ATP8A2: variants seen among roughly 807,000 people sequenced by gnomAD.
ATP8A2 encodes the protein phospholipid-transporting ATPase IB.
In ATP8A2, 100 loss-of-function variants were observed where a neutral mutation model predicts 165.6. That is an observed-to-expected ratio of 0.60 (90% confidence interval 0.51 to 0.71). ATP8A2 has a LOEUF of 0.71. Ranked by LOEUF, ATP8A2 falls within the 30% of genes least tolerant of loss-of-function variation. The probability of loss-of-function intolerance (pLI) is 0.00; values close to 1 mark genes in which losing one functional copy is unlikely to be tolerated. For synonymous variants in ATP8A2, 543 were observed against 548.8 expected (o/e 0.99, Z 0.15); for missense variants, 1,227 against 1,479.5 (o/e 0.83, Z 2.80).
Position 25,553,887 on chromosome 13 carries a change from T to A in ATP8A2, c.1152T>A (p.Val384=), listed in dbSNP as rs990784495. The change falls in exon 12 of 37, where the codon GTT becomes GTA. Residue 384 remains valine, a synonymous_variant. Coordinates refer to ENST00000381655, the MANE Select transcript of ATP8A2 (RefSeq NM_016529.6). ...IPISLLVTLE[V]VKYTQALFIN... ...TCAGTCTGTTGGTGACTCTTGAGGTTGTGAAGTATACTCAAGCCCTTTTCA... is the reference window on the plus strand; with the variant it reads ...TCAGTCTGTTGGTGACTCTTGAGGTAGTGAAGTATACTCAAGCCCTTTTCA... 6.2e-7 allele frequency: 1 copy of A among 1,613,878 alleles called. No individual in the cohort carries two copies. The highest frequency in any genetic ancestry group is 1.3e-5 in the African/African-American group (1 of 75,052).
At chr13:25,554,283 T>C (rs2038910626) in intron 12 of ATP8A2, among the ~76,000 whole-genome samples, 1 of 152,184 alleles carries the variant, frequency 6.6e-6, no homozygotes, top group South Asian at 2.1e-4. Context: ...AAATTCATTG[T>C]GATAGTCAAC....
intron 35 of ATP8A2, among the ~76,000 whole-genome samples, chr13:25,984,221 A>G (rs536037906): frequency 6.6e-6 from 1 of 150,614 alleles, no homozygotes; most frequent in South Asian, 2.1e-4. Flanking sequence ...TGGGTGACAG[A>G]GCAAGAAACC....
intron 25 of ATP8A2, among the ~76,000 whole-genome samples, chr13:25,736,585 G>T (rs1450842478): frequency 6.6e-6 from 1 of 152,136 alleles, no homozygotes; most frequent in African/African-American, 2.4e-5. Flanking sequence ...TTCTGTAAAG[G>T]ATCATTTCAT....
chr13:25,910,745 A>G (rs758058707), intron 33 of ATP8A2, among the ~76,000 whole-genome samples: 2 of 152,156 alleles, frequency 1.3e-5, no homozygotes, highest in Non-Finnish European at 2.9e-5. Flanking sequence ...TTTGCGCAAT[A>G]TCCATGTATT....
chr13:25,846,259 T>C (rs967861286), intron 30 of ATP8A2, among the ~76,000 whole-genome samples: 4 of 152,168 alleles, frequency 2.6e-5, no homozygotes, highest in Admixed American at 1.3e-4. Flanking sequence ...AGTGCGTTAA[T>C]AGAGGAGTTC....
At chr13:25,798,967 A>G (rs1167892425) in intron 27 of ATP8A2, among the ~76,000 whole-genome samples, 1 of 152,110 alleles carries the variant, frequency 6.6e-6, no homozygotes, top group Non-Finnish European at 1.5e-5. Context: ...CAGCCTGGGC[A>G]ACATAGTGAG....
At chr13:25,691,711 T>A (rs543075789) in intron 24 of ATP8A2, among the ~76,000 whole-genome samples, 1 of 152,342 alleles carries the variant, frequency 6.6e-6, no homozygotes, top group Admixed American at 6.5e-5. Context: ...GAAATTTCTC[T>A]TATCTACTTA....
intron 33 of ATP8A2, among the ~76,000 whole-genome samples, chr13:25,940,718 T>A (rs1955046656): frequency 6.6e-6 from 1 of 152,198 alleles, no homozygotes; most frequent in Admixed American, 6.5e-5. Context: ...TGCATCTCCA[T>A]GGGTTCACCC....
chr13:26,012,446 C>T lies in ATP8A2; in HGVS notation c.3378-85C>T, dbSNP rs998259851. On this transcript the variant is annotated intron_variant, in intron 35 of 36. Transcript: ENST00000381655. ...CCCGACGTGGGGAGGTGATCCCCCA[C>T]CTCATCCCACCCCCTTCTGTCTGTC... 9.0e-6 allele frequency: 10 copies of T among 1,115,858 alleles called. No individual in the cohort carries two copies. The African/African-American group carries it at 1.6e-4, about 18-fold the overall frequency. 69.1% of individuals were successfully genotyped at this position (1,115,858 alleles called of 1,614,324 possible).
chr13:25,863,677 C>A (rs1952420409), intron 33 of ATP8A2: 1 of 152,224 alleles, frequency 6.6e-6, no homozygotes, highest in African/African-American at 2.4e-5. Context: ...TGTCTAGCAA[C>A]TGTTTCTCGT....
Position 25,414,999 on chromosome 13 carries a change from G to A in ATP8A2, c.76+42711G>A, listed in dbSNP as rs565387725. Among the ~76,000 whole-genome samples, 3 of 152,330 alleles carry A rather than the reference G, an allele frequency of 2.0e-5. No homozygotes were observed. The South Asian group carries it at 6.2e-4, about 32-fold the overall frequency. ...CCCATTTGCCAGAGAAGAAGCAAAA[G>A]AGCATGATGCTTTTGCTCAGGGAGA... On this transcript the variant is annotated intron_variant, in intron 1 of 36. Coordinates refer to ENST00000381655, the MANE Select transcript of ATP8A2 (RefSeq NM_016529.6).
chr13:25,542,625 A>T (rs2038517790), intron 9 of ATP8A2, among the ~76,000 whole-genome samples: 1 of 151,604 alleles, frequency 6.6e-6, no homozygotes, highest in Non-Finnish European at 1.5e-5. Context: ...GCCCCCTCCA[A>T]CCCTGTAACC....
intron 25 of ATP8A2, among the ~76,000 whole-genome samples, chr13:25,741,871 C>A (rs1476120675): frequency 6.6e-6 from 1 of 152,186 alleles, no homozygotes; most frequent in African/African-American, 2.4e-5. Context: ...ATACCTGAGC[C>A]TGAGTCTATA....
intron 36 of ATP8A2, among the ~76,000 whole-genome samples, chr13:26,016,767 G>A (rs1197922397): frequency 1.3e-5 from 2 of 152,178 alleles, no homozygotes; most frequent in African/African-American, 4.8e-5. Context: ...AGAGGCCTCC[G>A]TGTTGGTGCA....
intron 33 of ATP8A2, among the ~76,000 whole-genome samples, chr13:25,895,429 G>A (rs1226348655): frequency 6.6e-6 from 1 of 152,192 alleles, no homozygotes; most frequent in Non-Finnish European, 1.5e-5. Flanking sequence ...GCTGGATTCG[G>A]TTTGCCAGTA....
chr13:25,876,421 A>G (rs946675261), intron 33 of ATP8A2, among the ~76,000 whole-genome samples: 3 of 152,190 alleles, frequency 2.0e-5, no homozygotes, highest in South Asian at 2.1e-4. Context: ...TGGGGAAAGG[A>G]GAGCAAGGGA....
At chr13:25,973,904 C>T (rs1303037463) in intron 35 of ATP8A2, among the ~76,000 whole-genome samples, 1 of 152,220 alleles carries the variant, frequency 6.6e-6, no homozygotes, top group Non-Finnish European at 1.5e-5. Flanking sequence ...TCCCACCTCT[C>T]CCACACTTTC....
Position 25,559,842 on chromosome 13 carries a change from T to C in ATP8A2, c.1397+77T>C, listed in dbSNP as rs542987189. 3.5e-6 allele frequency: 4 copies of C among 1,148,172 alleles called. No individual in the cohort carries two copies. The African/African-American group carries it at 6.2e-5, about 18-fold the overall frequency. 71.1% of individuals were successfully genotyped at this position (1,148,172 alleles called of 1,614,324 possible). A position where few individuals can be genotyped will look rare whatever the true frequency, so the allele number is the denominator to read the frequency against. On this transcript the variant is annotated intron_variant, in intron 15 of 36. Coordinates refer to ENST00000381655, the MANE Select transcript of ATP8A2 (RefSeq NM_016529.6). ...AATTATTTATTATTATTCATTTACA[T>C]TTTTAGAGACAGCCTCACTCTATTG...
At chr13:25,630,417 C>T (rs1046972859) in intron 24 of ATP8A2, among the ~76,000 whole-genome samples, 2 of 152,152 alleles carry the variant, frequency 1.3e-5, no homozygotes, top group African/African-American at 4.8e-5. Flanking sequence ...CTTTTCCATG[C>T]GACAGCATTT....
Sources: allele counts gnomAD v4.1 joint callset (sites outside exome capture counted in the v4.1 genomes callset), GRCh38; gene constraint gnomAD v4.1.1; transcripts MANE v1.5; gene names NCBI Gene and HGNC (gene_info 2026-07-23, HGNC 2026-07-21).